PLCB4: variants seen among roughly 807,000 people sequenced by gnomAD.
The protein encoded by PLCB4 is phospholipase C beta 4.
PLCB4 carries 77 observed loss-of-function variants against 178.8 expected under a neutral mutation model. That is an observed-to-expected ratio of 0.43 (90% CI 0.36 to 0.52). The LOEUF is 0.52. PLCB4 is among the 20% of genes least tolerant of loss of function. PLCB4 has a pLI of 0.00. For missense variants in PLCB4, 1,024 were observed against 1,453.4 expected, an observed-to-expected ratio of 0.70 and a Z score of 4.80; for synonymous variants, 496 against 490.8, an observed-to-expected ratio of 1.01 and a Z score of -0.14.
chr20:9,128,459 C>T (rs1600602289), intron 2 of PLCB4, among the ~76,000 whole-genome samples: 1 of 152,146 alleles, frequency 6.6e-6, no homozygotes, highest in African/African-American at 2.4e-5. Flanking sequence ...CTCTGTCACC[C>T]AGGCTGGAGT....
intron 24 of PLCB4, 152 bp from the exon 25 acceptor site, chr20:9,410,885 G>A (rs2039808728): frequency 1.7e-6 from 1 of 593,776 alleles, no homozygotes; most frequent in South Asian, 2.2e-5. Context: ...ATGGAAGAGA[G>A]TATGCCTTAA....
chr20:9,270,355 C>A (rs1421837133), intron 3 of PLCB4, among the ~76,000 whole-genome samples: 1 of 152,120 alleles, frequency 6.6e-6, no homozygotes, highest in Admixed American at 6.6e-5. Flanking sequence ...CCCATCTATA[C>A]CTCCTGGTAA....
chr20:9,320,132 C>T (rs537314068), intron 4 of PLCB4, among the ~76,000 whole-genome samples: 3 of 152,268 alleles, frequency 2.0e-5, no homozygotes, highest in African/African-American at 7.2e-5. Flanking sequence ...GCAGCCCTGA[C>T]AGATGCTGGT....
At chr20:9,187,088 C>T (rs965777411) in intron 2 of PLCB4, among the ~76,000 whole-genome samples, 2 of 152,042 alleles carry the variant, frequency 1.3e-5, no homozygotes, top group African/African-American at 4.8e-5. Flanking sequence ...GATTCTCCTG[C>T]CTCAGCCTCC....
Position 9,236,825 on chromosome 20 carries a change from A to T in PLCB4, c.-16+19373A>T, listed in dbSNP as rs372939991. Among the ~76,000 whole-genome samples, 26 of 152,368 alleles carry T rather than the reference A, an allele frequency of 1.7e-4. No homozygotes were observed. The East Asian group carries it at 2.1e-3, about 12-fold the overall frequency. On this transcript the variant is annotated intron_variant, in intron 3 of 39. Coordinates refer to ENST00000378473, the MANE Select transcript of PLCB4 (RefSeq NM_001377142.1). ...CAGCTTAGGTTATGTGATTTTGGAT[A>T]AAAGTTGTCCTGTAAGAAACAAAGG...
At chr20:9,131,263 TTTTCCTTCCTTCCCTCCTTC>T (rs1432563566) in intron 2 of PLCB4, among the ~76,000 whole-genome samples, 1 of 152,030 alleles carries the variant, frequency 6.6e-6, no homozygotes, top group Non-Finnish European at 1.5e-5. Flanking sequence ...TTCTCTCCCT[TTTTCCTTCCTTCCCTCCTTC>T]TTTCCTTCCT....
At chr20:9,378,305 C>T (rs530363712) in intron 12 of PLCB4, among the ~76,000 whole-genome samples, 1 of 152,226 alleles carries the variant, frequency 6.6e-6, no homozygotes, top group Admixed American at 6.5e-5. Context: ...AAAGTGGCCA[C>T]CTATGAACAT....
chr20:9,416,583 A>G (rs1184540658), intron 25 of PLCB4, among the ~76,000 whole-genome samples: 1 of 152,122 alleles, frequency 6.6e-6, no homozygotes, highest in East Asian at 1.9e-4. Context: ...GTAGCTACTC[A>G]CCTACTTTCC....
intron 4 of PLCB4, among the ~76,000 whole-genome samples, chr20:9,313,645 T>G (rs554157678): frequency 6.6e-6 from 1 of 152,176 alleles, no homozygotes; most frequent in African/African-American, 2.4e-5. Flanking sequence ...TTGCCATGAG[T>G]CCTGTTTTCT....
chr20:9,233,872 A>G (rs1283326784), intron 3 of PLCB4, among the ~76,000 whole-genome samples: 1 of 152,098 alleles, frequency 6.6e-6, no homozygotes, highest in Non-Finnish European at 1.5e-5. Context: ...TGGAATGGGA[A>G]TTTATCGATA....
In PLCB4 at chr20:9,421,394, GA is replaced by G; in HGVS notation, c.2254del (p.Thr752LeufsTer5). ...LPTDTIRKEF[R>X]TRMVMNNGLN... ...ACTGACACCATACGTAAGGAATTCC[GA>G]ACTCGCATGGTTATGAATAATGGAC... On this transcript the variant is annotated frameshift_variant, in exon 27 of 40. Transcript: ENST00000378473. LOFTEE classifies it high-confidence loss of function. 1 of 1,613,770 alleles carries G rather than the reference GA, an allele frequency of 6.2e-7. No homozygotes were observed. The highest frequency in any genetic ancestry group is 8.5e-7 in the Non-Finnish European group (1 of 1,179,756).
chr20:9,429,130 C>T (rs1181799668), intron 28 of PLCB4, among the ~76,000 whole-genome samples: 1 of 152,068 alleles, frequency 6.6e-6, no homozygotes, highest in Non-Finnish European at 1.5e-5. Context: ...AATGAAAGAA[C>T]CAAATCAGAA....
At chr20:9,285,454 G>A (rs997543669) in intron 3 of PLCB4, among the ~76,000 whole-genome samples, 5 of 151,984 alleles carry the variant, frequency 3.3e-5, no homozygotes, top group Admixed American at 6.6e-5. Context: ...GTTCTTTTTA[G>A]CATAGTATAG....
intron 4 of PLCB4, among the ~76,000 whole-genome samples, chr20:9,326,603 A>G (rs2030619514): frequency 6.6e-6 from 1 of 152,120 alleles, no homozygotes; most frequent in Non-Finnish European, 1.5e-5. Context: ...AGGGAGGTGC[A>G]GGGCAGAGTC....
Position 9,114,026 on chromosome 20 carries a change from C to T in PLCB4, c.-79+17684C>T, listed in dbSNP as rs149351016. On this transcript the variant is annotated intron_variant, in intron 2 of 39. Transcript: ENST00000378473. Reference sequence around the variant, plus strand: ...ATCAGAAGTTTGAGACCAACCTGGCCAACATGGTGAAACCCTGTCTCTATT... The same window carrying T: ...ATCAGAAGTTTGAGACCAACCTGGCTAACATGGTGAAACCCTGTCTCTATT... Among the ~76,000 whole-genome samples the T allele has an allele frequency of 3.6e-3, 547 of 152,106 alleles. 5 individuals are homozygous for T. The highest frequency in any genetic ancestry group is 0.013 in the African/African-American group (530 of 41,488).
intron 1 of PLCB4, among the ~76,000 whole-genome samples, chr20:9,080,193 G>A (rs987838370): frequency 1.3e-5 from 2 of 152,166 alleles, no homozygotes. Flanking sequence ...CAGCATGGCA[G>A]CAAGACTCTG....
At chr20:9,358,913 A>G (rs2035078386) in intron 7 of PLCB4, among the ~76,000 whole-genome samples, 1 of 152,128 alleles carries the variant, frequency 6.6e-6, no homozygotes, top group South Asian at 2.1e-4. Context: ...AAACAACAAA[A>G]AAAGGAAATA....
intron 4 of PLCB4, among the ~76,000 whole-genome samples, chr20:9,312,078 T>C (rs1367639809): frequency 1.3e-5 from 2 of 152,136 alleles, no homozygotes; most frequent in South Asian, 2.1e-4. Context: ...TTCTTGACAC[T>C]AAGAAGCATT....
chr20:9,115,649 A>G (rs970367736), intron 2 of PLCB4, among the ~76,000 whole-genome samples: 2 of 137,616 alleles, frequency 1.5e-5, no homozygotes, highest in Admixed American at 8.4e-5. Context: ...TCATTGTTCA[A>G]TTCCCTCCTA....
Sources: allele counts gnomAD v4.1 joint callset (sites outside exome capture counted in the v4.1 genomes callset), GRCh38; gene constraint gnomAD v4.1.1; transcripts MANE v1.5; gene names NCBI Gene and HGNC (gene_info 2026-07-23, HGNC 2026-07-21).